MTHFS: variants seen among roughly 807,000 people sequenced by gnomAD.
The protein encoded by MTHFS is 5-formyltetrahydrofolate cyclo-ligase.
A neutral mutation model predicts 12.7 loss-of-function variants in MTHFS; 7 were observed. The observed-to-expected ratio is 0.55, with a 90% CI of 0.31 to 1.03. MTHFS has a LOEUF of 1.03. Among genes scored for constraint, MTHFS ranks in the 50% least tolerant of loss-of-function variants. The pLI is 0.05. For synonymous variants in MTHFS, 100 were observed against 97.1 expected, an observed-to-expected ratio of 1.03 and a Z score of -0.18; for missense variants, 252 against 258.1, an observed-to-expected ratio of 0.98 and a Z score of 0.16.
intron 1 of MTHFS, among the ~76,000 whole-genome samples, chr15:79,896,423 C>T (rs1326210834): frequency 6.6e-6 from 1 of 152,190 alleles, no homozygotes; most frequent in Non-Finnish European, 1.5e-5. Context: ...CTAATATAAC[C>T]GGAGTCTTAC....
intron 2 of MTHFS, among the ~76,000 whole-genome samples, chr15:79,858,486 C>T (rs2033851273): frequency 6.6e-6 from 1 of 152,122 alleles, no homozygotes; most frequent in Admixed American, 6.6e-5. Context: ...TGTGTGACTT[C>T]GGACAAGTCA....
At chr15:79,891,963 CAAAAAAAAAAAAAAA>C (rs57309663) in intron 1 of MTHFS, among the ~76,000 whole-genome samples, 1 of 84,290 alleles carries the variant, frequency 1.2e-5, no homozygotes, top group Admixed American at 1.6e-4. Context: ...AACTCCATCT[CAAAAAAAAAAAAAAA>C]AAAAAAAGAG....
chr15:79,885,682 C>T (rs1210351992), intron 2 of MTHFS, among the ~76,000 whole-genome samples: 2 of 152,208 alleles, frequency 1.3e-5, no homozygotes, highest in Non-Finnish European at 2.9e-5. Flanking sequence ...TCAAGATGCC[C>T]ATTTGGGTCA....
At chr15:79,861,352 A>G (rs1208239784) in intron 2 of MTHFS, among the ~76,000 whole-genome samples, 1 of 152,106 alleles carries the variant, frequency 6.6e-6, no homozygotes, top group Non-Finnish European at 1.5e-5. Flanking sequence ...TCCTATGGCC[A>G]GACACCACTG....
chr15:79,861,790 G>C lies in MTHFS; in HGVS notation c.380-16348C>G, dbSNP rs114086923. On this transcript the variant is annotated intron_variant, in intron 2 of 2. Transcript: ENST00000258874. ...AAATCTATATGTGTTGCTATGAAAA[G>C]AGTTCTATGGTTTATCAACAAGTGA... Among the ~76,000 whole-genome samples the C allele has an allele frequency of 5.3e-3, 807 of 152,252 alleles. 5 individuals are homozygous for C. Among genetic ancestry groups the C allele is most frequent in the African/African-American group, 0.018 (733 of 41,540 alleles).
chr15:79,880,873 A>G (rs1452329551), intron 2 of MTHFS, among the ~76,000 whole-genome samples: 2 of 152,080 alleles, frequency 1.3e-5, no homozygotes, highest in Non-Finnish European at 2.9e-5. Flanking sequence ...AGGTATGCTG[A>G]GGTGTCAAAA....
At chr15:79,892,754 C>T (rs1356747883) in intron 1 of MTHFS, among the ~76,000 whole-genome samples, 1 of 151,904 alleles carries the variant, frequency 6.6e-6, no homozygotes, top group Non-Finnish European at 1.5e-5. Context: ...AGGTCGAGAC[C>T]ATCCTGGCCA....
intron 2 of MTHFS, among the ~76,000 whole-genome samples, chr15:79,852,956 G>T (rs1747767407): frequency 6.6e-6 from 1 of 152,166 alleles, no homozygotes; most frequent in South Asian, 2.1e-4. Context: ...AAGAAATGTG[G>T]ATAATATTTA....
At position 79,844,319 on chromosome 15, in the gene MTHFS, A is replaced by G. The variant is rs1209971731; in HGVS notation, c.*891T>C. 2.0e-5 allele frequency: 3 copies of G among 152,294 alleles called. No individual in the cohort carries two copies. The highest frequency in any genetic ancestry group is 4.4e-5 in the Non-Finnish European group (3 of 68,066). 9.4% of individuals were successfully genotyped at this position (152,294 alleles called of 1,614,324 possible). ...GCTAAAAGGCTGGACAAAAGGAGTG[A>G]CAGGAAAATTGAAAGGAGAGAATAG... On this transcript the variant is annotated 3_prime_UTR_variant, in exon 3 of 3. Coordinates refer to ENST00000258874, the MANE Select transcript of MTHFS (RefSeq NM_006441.4).
At chr15:79,890,207 C>CTTTTTTTTTT (rs71150999) in intron 1 of MTHFS, among the ~76,000 whole-genome samples, 3 of 100,692 alleles carry the variant, frequency 3.0e-5, no homozygotes, top group Admixed American at 1.2e-4. Context: ...CTCTTTTTTC[C>CTTTTTTTTTT]TTTTTTTTTT....
chr15:79,887,394 T>C (rs1207848451), intron 2 of MTHFS, among the ~76,000 whole-genome samples: 1 of 152,218 alleles, frequency 6.6e-6, no homozygotes, highest in African/African-American at 2.4e-5. Context: ...AAGTTCAAAG[T>C]AACACACTTT....
chr15:79,887,348 C>T (rs990359112), intron 2 of MTHFS, among the ~76,000 whole-genome samples: 26 of 152,200 alleles, frequency 1.7e-4, no homozygotes, highest in African/African-American at 6.3e-4. Context: ...ACTCTTTTCA[C>T]CACTGTACTT....
At chr15:79,871,417 C>T (rs1462022781) in intron 2 of MTHFS, among the ~76,000 whole-genome samples, 4 of 152,112 alleles carry the variant, frequency 2.6e-5, no homozygotes, top group Non-Finnish European at 5.9e-5. Flanking sequence ...AGAGGACAGA[C>T]TGAACAGCCT....
upstream of MTHFS, chr15:79,897,059 G>A (rs1284083742): frequency 1.4e-6 from 2 of 1,417,920 alleles, no homozygotes; most frequent in Non-Finnish European, 1.8e-6. Context: ...TCCGCCCCTG[G>A]CCGCTCCCAG....
intron 2 of MTHFS, among the ~76,000 whole-genome samples, chr15:79,873,180 T>C (rs904154116): frequency 1.3e-5 from 2 of 152,138 alleles, no homozygotes; most frequent in Non-Finnish European, 2.9e-5. Flanking sequence ...GCTCCAGCTA[T>C]AGATATATGA....
upstream of MTHFS, chr15:79,897,134 C>T (rs1346428980): frequency 1.4e-5 from 10 of 708,326 alleles, no homozygotes; most frequent in Non-Finnish European, 2.1e-5. Flanking sequence ...TTCCGGGACG[C>T]GGGCCCGCGG....
At chr15:79,877,529 T>C (rs2034220255) in intron 2 of MTHFS, 1 of 151,912 alleles carries the variant, frequency 6.6e-6, no homozygotes, top group Non-Finnish European at 1.5e-5. Context: ...TGAAACCCCA[T>C]CTCTACTAAA....
intron 2 of MTHFS, among the ~76,000 whole-genome samples, chr15:79,849,634 GC>G (rs376775196): frequency 1.5e-3 from 225 of 152,312 alleles, no homozygotes; most frequent in African/African-American, 5.1e-3. Flanking sequence ...TATGCCTCTG[GC>G]ATTGCTCTGT....
chr15:79,863,037 C>T (rs544287062), intron 2 of MTHFS, among the ~76,000 whole-genome samples: 5 of 152,266 alleles, frequency 3.3e-5, no homozygotes, highest in African/African-American at 9.6e-5. Context: ...ACTATGTGTC[C>T]CCCAACCCCC....
Sources: allele counts gnomAD v4.1 joint callset (sites outside exome capture counted in the v4.1 genomes callset), GRCh38; gene constraint gnomAD v4.1.1; transcripts MANE v1.5; gene names NCBI Gene and HGNC (gene_info 2026-07-23, HGNC 2026-07-21).